The following MTMR2 variants were observed in gnomAD, a reference collection of about 807,000 sequenced individuals.
The protein encoded by MTMR2 is phosphatidylinositol-3,5-bisphosphate 3-phosphatase MTMR2.
Under a neutral mutation model 86.9 loss-of-function variants are expected in MTMR2, and 55 were observed. That is an observed-to-expected ratio of 0.63 (90% CI 0.51 to 0.79). The LOEUF (loss-of-function observed/expected upper bound fraction) is 0.79. MTMR2 is among the 30% of genes least tolerant of loss of function. The pLI is 0.00. For synonymous variants in MTMR2, 241 were observed against 266.8 expected, an observed-to-expected ratio of 0.90 and a Z score of 0.94; for missense variants, 659 against 772.3, an observed-to-expected ratio of 0.85 and a Z score of 1.74.
chr11:95,916,025 G>A lies in MTMR2; in HGVS notation c.80+7850C>T, dbSNP rs1245951601. On this transcript the variant is annotated intron_variant, in intron 1 of 14. Coordinates refer to ENST00000346299, the MANE Select transcript of MTMR2 (RefSeq NM_016156.6). Reference sequence around the variant, plus strand: ...AACTCAAGAGTTCAGAGTGCTCCAAGATACAATTCTCTTTTTTGGTCTGCA... The same window carrying A: ...AACTCAAGAGTTCAGAGTGCTCCAAAATACAATTCTCTTTTTTGGTCTGCA... 5.3e-5 allele frequency among the ~76,000 whole-genome samples: 8 copies of A among 152,256 alleles called. No homozygotes were observed. In the East Asian group the frequency reaches 1.4e-3, roughly 26 times the overall value.
At chr11:95,850,551 T>C (rs1265263621) in intron 8 of MTMR2, 49 bp downstream of exon 8, 1 of 1,584,652 alleles carries the variant, frequency 6.3e-7, no homozygotes, top group Non-Finnish European at 8.7e-7. Flanking sequence ...CTCAGCATTA[T>C]GTTGAGTAAA....
At chr11:95,910,735 CAAGA>C (rs1384288102) in intron 1 of MTMR2, among the ~76,000 whole-genome samples, 6 of 152,140 alleles carry the variant, frequency 3.9e-5, no homozygotes, top group Admixed American at 2.6e-4. Context: ...CATGTTTGCC[CAAGA>C]ACATTAAAGC....
chr11:95,879,605 C>G (rs545229697), intron 2 of MTMR2, among the ~76,000 whole-genome samples: 2 of 152,186 alleles, frequency 1.3e-5, no homozygotes, highest in Non-Finnish European at 2.9e-5. Context: ...TATGTACCCA[C>G]AGCCTCTTCT....
chr11:95,849,770 A>G lies in MTMR2; in HGVS notation c.897T>C (p.Asp299=). Residue 299 remains aspartate, a synonymous_variant, in exon 9 of 15, where the codon GAT becomes GAC. Transcript: ENST00000346299. ...VGVSGKRSKE[D]EKYLQAIMDS... ...CCATGATAGCTTGAAGGTATTTTTC[A>G]TCTTCTTTGCTTCGCTTTCCACTCA... The G allele has an allele frequency of 6.2e-7, 1 of 1,614,086 alleles. No homozygotes were observed. Among genetic ancestry groups the G allele is most frequent in the Non-Finnish European group, 8.5e-7 (1 of 1,179,956 alleles).
At chr11:95,888,861 T>C (rs1438934356) in intron 1 of MTMR2, among the ~76,000 whole-genome samples, 5 of 152,036 alleles carry the variant, frequency 3.3e-5, no homozygotes, top group African/African-American at 7.3e-5. Flanking sequence ...TCTCAAAAGA[T>C]AGGAGATTAT....
Position 95,836,145 on chromosome 11 carries a change from T to G in MTMR2, c.1770+3A>C. ...CTCCCATTGTATATTGTAAGGCACA[T>G]ACCTGTGGTTTCATCCGTGGATTCC... is the stretch of plus-strand genomic sequence containing the variant. On this transcript the variant is annotated splice_donor_region_variant and intron_variant, in intron 14 of 14. Coordinates refer to ENST00000346299, the MANE Select transcript of MTMR2 (RefSeq NM_016156.6). The G allele has an allele frequency of 2.5e-6, 4 of 1,612,026 alleles. No homozygotes were observed. The highest frequency in any genetic ancestry group is 1.7e-6 in the Non-Finnish European group (2 of 1,178,312).
At position 95,865,635 on chromosome 11, in the gene MTMR2, T is replaced by C. The variant is rs1834966780; in HGVS notation, c.228A>G (p.Pro76=). Residue 76 remains proline (P), a synonymous_variant, in exon 3 of 15, where the codon CCA becomes CCG. Transcript: ENST00000346299. ...TAATATTTTCTCCTGGAAGCAAGGG[T>C]GGTTCTTCCATTTCTGCTAACTTGT... ...ESNKLAEMEE[P]PLLPGENIKD... 6.2e-7 allele frequency: 1 copy of C among 1,613,834 alleles called. No homozygotes were observed. Among genetic ancestry groups the C allele is most frequent in the Admixed American group, 1.7e-5 (1 of 59,990 alleles).
chr11:95,857,835 G>A (rs1864267032), intron 6 of MTMR2, among the ~76,000 whole-genome samples, 200 bp from the exon 7 acceptor site: 1 of 151,990 alleles, frequency 6.6e-6, no homozygotes, highest in Admixed American at 6.6e-5. Flanking sequence ...ATACAAAAAA[G>A]CAAAGACACT....
intron 13 of MTMR2, among the ~76,000 whole-genome samples, chr11:95,837,221 T>C (rs1241013885): frequency 2.0e-5 from 3 of 151,978 alleles, no homozygotes; most frequent in African/African-American, 7.2e-5. Flanking sequence ...AAATACTACA[T>C]AGCAGTTCTT....
chr11:95,836,435 G>C, intron 13 of MTMR2, 111 bp from the exon 14 acceptor site: 5 of 1,051,606 alleles, frequency 4.8e-6, no homozygotes, highest in Non-Finnish European at 5.8e-6. Context: ...TAGAGGAAGT[G>C]GACTTGGAGA....
At chr11:95,852,961 G>C (rs545028541) in intron 7 of MTMR2, among the ~76,000 whole-genome samples, 15 of 151,798 alleles carry the variant, frequency 9.9e-5, no homozygotes, top group Non-Finnish European at 2.1e-4. Flanking sequence ...CTTGAACCCA[G>C]GAGGTGAAGG....
At chr11:95,890,408 T>A (rs917600018) in intron 1 of MTMR2, among the ~76,000 whole-genome samples, 1 of 152,202 alleles carries the variant, frequency 6.6e-6, no homozygotes, top group African/African-American at 2.4e-5. Context: ...GGGTAGTTTG[T>A]GCCCTGCCGA....
Position 95,865,692 on chromosome 11 carries a change from CA to C in MTMR2, c.187-17del, listed in dbSNP as rs1195059303. The C allele has an allele frequency of 1.9e-6, 3 of 1,586,354 alleles. 1 individual carries two copies. Among genetic ancestry groups the C allele is most frequent in the Non-Finnish European group, 8.6e-7 (1 of 1,157,800 alleles). On this transcript the variant is annotated splice_polypyrimidine_tract_variant and intron_variant, in intron 2 of 14. Coordinates refer to ENST00000346299, the MANE Select transcript of MTMR2 (RefSeq NM_016156.6). ...CCCTCAGGACCTGGGGTGGGAAAGA[CA>C]AAAAAAGAAACATTTTTTTATTCAA...
intron 11 of MTMR2, among the ~76,000 whole-genome samples, chr11:95,844,672 C>T (rs1030942917): frequency 2.6e-5 from 4 of 152,128 alleles, no homozygotes; most frequent in African/African-American, 7.2e-5. Flanking sequence ...TTTAGGAAAA[C>T]GCCTGCCCAG....
intron 13 of MTMR2, among the ~76,000 whole-genome samples, chr11:95,836,609 T>G (rs1314443265): frequency 6.6e-6 from 1 of 152,002 alleles, no homozygotes; most frequent in East Asian, 1.9e-4. Context: ...CAAAGCAGCA[T>G]TATTCATTAA....
In MTMR2 at chr11:95,849,783, C is replaced by T. The variant is rs777854770; in HGVS notation, c.884G>A (p.Arg295Gln). ...SQPMVGVSGK[R>Q]SKEDEKYLQA... ...AAGGTATTTTTCATCTTCTTTGCTT[C>T]GCTTTCCACTCACTCCAACCATGGG... Residue 295 changes from arginine to glutamine, a missense_variant, in exon 9 of 15, where the codon CGA becomes CAA. This residue lies in a region of MTMR2 where 387 missense variants were observed against 526.3 expected (regional missense o/e 0.74). Coordinates refer to ENST00000346299, the MANE Select transcript of MTMR2 (RefSeq NM_016156.6). The T allele has an allele frequency of 1.3e-5, 21 of 1,614,002 alleles. No homozygotes were observed. Among genetic ancestry groups the T allele is most frequent in the Non-Finnish European group, 1.4e-5 (17 of 1,179,992 alleles).
chr11:95,902,090 C>T (rs1866094741), intron 1 of MTMR2, among the ~76,000 whole-genome samples: 1 of 152,164 alleles, frequency 6.6e-6, no homozygotes, highest in African/African-American at 2.4e-5. Flanking sequence ...TCCTCATCCA[C>T]AAAGACTGCT....
At chr11:95,842,812 T>A (rs763200417) in intron 11 of MTMR2, among the ~76,000 whole-genome samples, 10 of 152,248 alleles carry the variant, frequency 6.6e-5, no homozygotes, top group Non-Finnish European at 1.2e-4. Flanking sequence ...ACCCACTGTA[T>A]TCTACCCTAC....
intron 10 of MTMR2, 96 bp downstream of exon 10, chr11:95,847,618 A>C: frequency 1.8e-6 from 2 of 1,103,662 alleles, no homozygotes; most frequent in Non-Finnish European, 2.8e-6. Context: ...TTGTTTAGAA[A>C]GGTACCTTCA....
Sources: gnomAD v4.1 joint callset for allele counts (sites outside exome capture counted in the v4.1 genomes callset) on GRCh38, gnomAD v4.1.1 for gene constraint, gnomAD v4.1.1 regional missense constraint, MANE v1.5 for transcripts, NCBI Gene and HGNC (gene_info 2026-07-23, HGNC 2026-07-21) for gene names.